SPINK5: variants seen among roughly 807,000 people sequenced by gnomAD.
SPINK5 encodes serine protease inhibitor Kazal-type 5.
SPINK5 carries 125 observed loss-of-function variants against 151.8 expected under a neutral mutation model. The observed-to-expected ratio is 0.82, with a 90% CI of 0.71 to 0.96. The LOEUF (loss-of-function observed/expected upper bound fraction) is 0.96, where lower values mean the gene tolerates loss of function less well. Ranked by LOEUF, SPINK5 falls within the 40% of genes least tolerant of loss-of-function variation. SPINK5 has a pLI of 0.00. For missense variants in SPINK5, 1,194 were observed against 1,291.9 expected, an observed-to-expected ratio of 0.92 and a Z score of 1.16; for synonymous variants, 374 against 395.3, an observed-to-expected ratio of 0.95 and a Z score of 0.64.
At chr5:148,077,091 G>A (rs1752901376) in intron 4 of SPINK5, among the ~76,000 whole-genome samples, 2 of 150,448 alleles carry the variant, frequency 1.3e-5, no homozygotes, top group South Asian at 4.2e-4. Flanking sequence ...AAATTTGATG[G>A]AAAAAAATTA....
intron 27 of SPINK5, among the ~76,000 whole-genome samples, chr5:148,124,209 C>T (rs1249286764): frequency 6.6e-6 from 1 of 152,160 alleles, no homozygotes; most frequent in African/African-American, 2.4e-5. Context: ...CTGGGACAGG[C>T]CAGTTCATTG....
In SPINK5 at chr5:148,118,418, C is replaced by T. The variant is rs199795770; in HGVS notation, c.2113-19C>T. On this transcript the variant is annotated intron_variant, in intron 22 of 32. Transcript: ENST00000256084. ...TAGACTAAGTAATCCAGGGGCTCTTCGTTCTTCTCTGTTTTCAGGACGAAT... is the reference window on the plus strand; with the variant it reads ...TAGACTAAGTAATCCAGGGGCTCTTTGTTCTTCTCTGTTTTCAGGACGAAT... The T allele has an allele frequency of 1.2e-4, 194 of 1,613,920 alleles. No individual in the cohort carries two copies. Among genetic ancestry groups the T allele is most frequent in the African/African-American group, 2.1e-4 (16 of 75,010 alleles).
At chr5:148,102,161 G>T (rs1753664775) in intron 15 of SPINK5, among the ~76,000 whole-genome samples, 1 of 151,996 alleles carries the variant, frequency 6.6e-6, no homozygotes, top group Admixed American at 6.6e-5. Context: ...CTTATATGTG[G>T]GATCTAAAAA....
rs1308709934 is a variant in SPINK5 at position 148,107,132 on chromosome 5, T to C, written c.1575T>C (p.His525=). 6.2e-7 allele frequency: 1 copy of C among 1,612,916 alleles called. No homozygotes were observed. ...NPVRGPDGKM[H]GNKCAMCASV... is the part of the protein sequence containing the mutation. Reference sequence around the variant, plus strand: ...TCCGTGGCCCAGATGGCAAAATGCATGGAAACAAGTGTGCCATGTGTGCCA... The same window carrying C: ...TCCGTGGCCCAGATGGCAAAATGCACGGAAACAAGTGTGCCATGTGTGCCA... The change falls in exon 17 of 33, where the codon CAT becomes CAC. Residue 525 remains histidine, a synonymous_variant. Coordinates refer to ENST00000256084, the MANE Select transcript of SPINK5 (RefSeq NM_006846.4).
chr5:148,133,556 A>G (rs1389801939), intron 31 of SPINK5, among the ~76,000 whole-genome samples: 1 of 152,158 alleles, frequency 6.6e-6, no homozygotes, highest in Non-Finnish European at 1.5e-5. Context: ...ATTCTCTATG[A>G]ATATATCAGT....
At chr5:148,090,975 G>GTCTT in intron 7 of SPINK5, 190 bp from the exon 8 acceptor site, 1 of 588,202 alleles carries the variant, frequency 1.7e-6, no homozygotes, top group African/African-American at 1.9e-5. Context: ...AGCTATTGCC[G>GTCTT]TCTTTCTTTC....
At chr5:148,134,397 A>G (rs927493058) in intron 32 of SPINK5, among the ~76,000 whole-genome samples, 2 of 152,198 alleles carry the variant, frequency 1.3e-5, no homozygotes, top group Admixed American at 6.5e-5. Flanking sequence ...CTATTTGAAT[A>G]GTCATCCTCA....
rs150946338 is a variant in SPINK5, at chr5:148,069,989, T to C, written c.82-334T>C. On this transcript the variant is annotated intron_variant, in intron 2 of 32. Coordinates refer to ENST00000256084, the MANE Select transcript of SPINK5 (RefSeq NM_006846.4). ...CCTCAGTCCTTCAGCAACATTTTCA[T>C]ATTCCTTTCACAGCAATTACTATTG... is the stretch of plus-strand genomic sequence containing the variant. 3.5e-3 allele frequency among the ~76,000 whole-genome samples: 537 copies of C among 152,242 alleles called. 4 individuals carry two copies. The highest frequency in any genetic ancestry group is 0.013 in the African/African-American group (522 of 41,552).
intron 26 of SPINK5, among the ~76,000 whole-genome samples, chr5:148,121,000 C>T (rs1754243166): frequency 6.6e-6 from 1 of 151,670 alleles, no homozygotes; most frequent in African/African-American, 2.4e-5. Flanking sequence ...AAAAAATTAG[C>T]CGGGCACGAT....
chr5:148,108,676 C>CCT, intron 17 of SPINK5, 77 bp from the exon 18 acceptor site: 1 of 1,571,006 alleles, frequency 6.4e-7, no homozygotes, highest in Non-Finnish European at 8.7e-7. Context: ...TTTGGAAGAT[C>CCT]CTCATTCCTT....
intron 2 of SPINK5, among the ~76,000 whole-genome samples, chr5:148,066,319 T>C (rs1220446295): frequency 6.6e-6 from 1 of 152,154 alleles, no homozygotes; most frequent in South Asian, 2.1e-4. Context: ...ATTTTATATA[T>C]TTATATACAC....
chr5:148,136,589 T>C (rs1754699654), intron 32 of SPINK5, among the ~76,000 whole-genome samples: 1 of 152,198 alleles, frequency 6.6e-6, no homozygotes, highest in Non-Finnish European at 1.5e-5. Context: ...CAAACTATAG[T>C]AGAAAAACAT....
At chr5:148,113,354 T>C (rs1263474213) in intron 20 of SPINK5, among the ~76,000 whole-genome samples, 1 of 152,110 alleles carries the variant, frequency 6.6e-6, no homozygotes, top group Non-Finnish European at 1.5e-5. Context: ...TTAATGGGAG[T>C]ATGAGTATCA....
In SPINK5 at chr5:148,137,239, G is replaced by GCTGT. The variant is rs1261482756; in HGVS notation, c.*254_*257dup. The GCTGT allele has an allele frequency of 3.5e-6, 2 of 573,084 alleles. No homozygotes were observed. Among genetic ancestry groups the GCTGT allele is most frequent in the Non-Finnish European group, 6.2e-6 (2 of 322,058 alleles). 35.5% of individuals were successfully genotyped at this position (573,084 alleles called of 1,614,324 possible). A position where few individuals can be genotyped will look rare whatever the true frequency, so the allele number is the denominator to read the frequency against. ...GCCCTCAAAATGTCCTGATTACAAT[G>GCTGT]CTGTCTGTCCAACTGCCTGTTCAAT... On this transcript the variant is annotated 3_prime_UTR_variant, in exon 33 of 33. Coordinates refer to ENST00000256084, the MANE Select transcript of SPINK5 (RefSeq NM_006846.4).
intron 26 of SPINK5, among the ~76,000 whole-genome samples, chr5:148,122,357 A>T (rs1754292627): frequency 6.6e-6 from 1 of 152,332 alleles, no homozygotes; most frequent in South Asian, 2.1e-4. Context: ...AGAATTTTTT[A>T]AAATGCTGCA....
chr5:148,126,923 C>G, intron 29 of SPINK5, 60 bp from the exon 30 acceptor site: 2 of 1,393,128 alleles, frequency 1.4e-6, no homozygotes, highest in Non-Finnish European at 9.9e-7. Flanking sequence ...TGCTTAACTT[C>G]TCACTGGAAG....
intron 4 of SPINK5, among the ~76,000 whole-genome samples, chr5:148,073,536 T>A (rs1752795621): frequency 6.6e-6 from 1 of 151,846 alleles, no homozygotes; most frequent in Non-Finnish European, 1.5e-5. Context: ...AAAGAGTGGC[T>A]CACTTTCTAA....
At chr5:148,069,186 A>G (rs578223516) in intron 2 of SPINK5, among the ~76,000 whole-genome samples, 2 of 152,128 alleles carry the variant, frequency 1.3e-5, no homozygotes, top group South Asian at 2.1e-4. Context: ...GCAGAAATGC[A>G]CCATATTTTA....
intron 30 of SPINK5, among the ~76,000 whole-genome samples, chr5:148,129,414 G>C (rs1344968031): frequency 6.6e-6 from 1 of 152,288 alleles, no homozygotes; most frequent in South Asian, 2.1e-4. Flanking sequence ...TTTATACCAT[G>C]TTAGTAGTGG....
Sources: allele counts gnomAD v4.1 joint callset (sites outside exome capture counted in the v4.1 genomes callset), GRCh38; gene constraint gnomAD v4.1.1; transcripts MANE v1.5; gene names NCBI Gene and HGNC (gene_info 2026-07-23, HGNC 2026-07-21).